MXI1: variants seen among roughly 807,000 people sequenced by gnomAD.
MXI1 encodes max-interacting protein 1.
Under a neutral mutation model 36.9 loss-of-function variants are expected in MXI1, and 18 were observed. That is an observed-to-expected ratio of 0.49 (90% CI 0.34 to 0.72). MXI1 has a LOEUF of 0.72. Among genes scored for constraint, MXI1 ranks in the 30% least tolerant of loss-of-function variants. The pLI, the probability that MXI1 is intolerant of heterozygous loss-of-function variation, is 0.01. For synonymous variants in MXI1, 160 were observed against 146.7 expected, an observed-to-expected ratio of 1.09 and a Z score of -0.65; for missense variants, 304 against 379.1, an observed-to-expected ratio of 0.80 and a Z score of 1.64.
chr10:110,216,395 C>T (rs1364680065), intron 1 of MXI1, among the ~76,000 whole-genome samples: 1 of 152,104 alleles, frequency 6.6e-6, no homozygotes, highest in African/African-American at 2.4e-5. Flanking sequence ...TGTGCTAGGT[C>T]TTGGAGGTAG....
chr10:110,283,199 G>A (rs1382731211), intron 5 of MXI1, among the ~76,000 whole-genome samples: 1 of 151,776 alleles, frequency 6.6e-6, no homozygotes, highest in Non-Finnish European at 1.5e-5. Context: ...GAAGCAACAA[G>A]CCCTTTTGAA....
chr10:110,254,691 T>C (rs776700345), intron 3 of MXI1, among the ~76,000 whole-genome samples: 1 of 152,172 alleles, frequency 6.6e-6, no homozygotes, highest in African/African-American at 2.4e-5. Context: ...ATGGGTGATA[T>C]GGAGAAAGTT....
chr10:110,286,453 C>T lies in MXI1; in HGVS notation c.*1466C>T, dbSNP rs1245830875. The T allele has an allele frequency of 1.4e-5, 2 of 145,996 alleles. No homozygotes were observed. Among genetic ancestry groups the T allele is most frequent in the African/African-American group, 5.1e-5 (2 of 39,160 alleles). The allele number at this position is 145,996 out of a possible 1,614,324, so 9.0% of individuals were successfully genotyped here. A position where few individuals can be genotyped will look rare whatever the true frequency, so the allele number is the denominator to read the frequency against. On this transcript the variant is annotated 3_prime_UTR_variant, in exon 6 of 6. Transcript: ENST00000332674. ...GAGACCTTACCCCTGGCTGTTTGGA[C>T]TTTGTATACTTTAAATAATTTAACT...
intron 3 of MXI1, among the ~76,000 whole-genome samples, chr10:110,261,742 C>T (rs1427849557): frequency 1.3e-5 from 2 of 151,998 alleles, no homozygotes; most frequent in African/African-American, 4.8e-5. Context: ...ATATGGATGC[C>T]TGGTCTGAGC....
Position 110,263,383 on chromosome 10 carries a change from A to G in MXI1, c.438-15797A>G, listed in dbSNP as rs193123045. 5.4e-3 allele frequency among the ~76,000 whole-genome samples: 818 copies of G among 152,290 alleles called. 5 individuals carry two copies. Among genetic ancestry groups the G allele is most frequent in the Non-Finnish European group, 9.6e-3 (650 of 68,000 alleles). ...ATATTCTAGGTAATATGACCCACTTAGGAAATATGTGGTGATTGTGCTTCA... is the reference window on the plus strand; with the variant it reads ...ATATTCTAGGTAATATGACCCACTTGGGAAATATGTGGTGATTGTGCTTCA... On this transcript the variant is annotated intron_variant, in intron 3 of 5. Transcript: ENST00000332674.
rs1387157696 is a variant in MXI1 at position 110,264,541 on chromosome 10, T to G, written c.438-14639T>G. On this transcript the variant is annotated intron_variant, in intron 3 of 5. Transcript: ENST00000332674. ...CCACCACACCCAGCTAATGTTTATATTTTTCATAGAGACGGGGTTTCACCA... is the reference window on the plus strand; with the variant it reads ...CCACCACACCCAGCTAATGTTTATAGTTTTCATAGAGACGGGGTTTCACCA... 2.0e-5 allele frequency among the ~76,000 whole-genome samples: 3 copies of G among 151,976 alleles called. No individual in the cohort carries two copies. The East Asian group carries it at 5.8e-4, about 29-fold the overall frequency.
intron 1 of MXI1, among the ~76,000 whole-genome samples, chr10:110,213,104 A>C (rs1277288766): frequency 6.6e-6 from 1 of 152,218 alleles, no homozygotes; most frequent in Non-Finnish European, 1.5e-5. Context: ...CGAGTCAGAA[A>C]TACTGATCTC....
At chr10:110,227,518 T>C (rs976259727) in intron 1 of MXI1, 35 of 981,546 alleles carry the variant, frequency 3.6e-5, no homozygotes, top group Non-Finnish European at 4.2e-5. Flanking sequence ...GTGGAGAAGC[T>C]TGGAGGGCCC....
intron 3 of MXI1, among the ~76,000 whole-genome samples, chr10:110,248,344 A>T (rs183313547): frequency 1.7e-4 from 25 of 149,696 alleles, no homozygotes; most frequent in Non-Finnish European, 3.4e-4. Context: ...TTAAAGTATA[A>T]AAAAAAAAAT....
intron 2 of MXI1, among the ~76,000 whole-genome samples, chr10:110,239,799 C>T (rs565123038): frequency 5.2e-4 from 79 of 152,068 alleles, no homozygotes; most frequent in African/African-American, 1.9e-3. Context: ...GTAAAATGTA[C>T]ATACAAAAAA....
chr10:110,216,665 G>GTTTTTTTTTTGTTTTTTTTTTTTTTTTT (rs1854645560), intron 1 of MXI1, among the ~76,000 whole-genome samples: 1 of 79,060 alleles, frequency 1.3e-5, no homozygotes, highest in African/African-American at 8.0e-5. Flanking sequence ...TGTGTTTAAT[G>GTTTTTTTTTTGTTTTTTTTTTTTTTTTT]TTTTTTTTTT....
chr10:110,260,032 T>C (rs1856453948), intron 3 of MXI1, among the ~76,000 whole-genome samples: 1 of 151,584 alleles, frequency 6.6e-6, no homozygotes, highest in Non-Finnish European at 1.5e-5. Flanking sequence ...TGTTGTTATT[T>C]TGGGAAAAGC....
At chr10:110,267,074 A>C (rs1856697415) in intron 3 of MXI1, among the ~76,000 whole-genome samples, 1 of 152,236 alleles carries the variant, frequency 6.6e-6, no homozygotes, top group African/African-American at 2.4e-5. Flanking sequence ...AATTAAGATA[A>C]GGGAGAAACT....
At chr10:110,255,117 C>A (rs1214868647) in intron 3 of MXI1, among the ~76,000 whole-genome samples, 1 of 152,138 alleles carries the variant, frequency 6.6e-6, no homozygotes, top group African/African-American at 2.4e-5. Flanking sequence ...GGCTGATGGG[C>A]TGATGTAGCT....
intron 1 of MXI1, chr10:110,208,620 T>A (rs2134317533): frequency 6.6e-6 from 1 of 152,184 alleles, no homozygotes; most frequent in East Asian, 1.9e-4. Flanking sequence ...CTCGGCTCTG[T>A]CTCTCTCTCT....
At chr10:110,259,596 C>T (rs1377114980) in intron 3 of MXI1, among the ~76,000 whole-genome samples, 1 of 152,028 alleles carries the variant, frequency 6.6e-6, no homozygotes, top group East Asian at 1.9e-4. Context: ...GCAATTAAAG[C>T]ATGCCAAGAG....
At chr10:110,241,358 G>C (rs966007057) in intron 2 of MXI1, among the ~76,000 whole-genome samples, 2 of 151,896 alleles carry the variant, frequency 1.3e-5, no homozygotes, top group East Asian at 3.8e-4. Flanking sequence ...GGGTTATTCA[G>C]AACATCTCAG....
chr10:110,237,128 A>G (rs1449516528), intron 2 of MXI1, among the ~76,000 whole-genome samples: 1 of 151,178 alleles, frequency 6.6e-6, no homozygotes, highest in African/African-American at 2.5e-5. Context: ...AGGATTTTCT[A>G]AATAGACAGT....
chr10:110,266,114 CT>C (rs200154048), intron 3 of MXI1, among the ~76,000 whole-genome samples: 459 of 146,844 alleles, frequency 3.1e-3, no homozygotes, highest in African/African-American at 9.6e-3. Flanking sequence ...TCTTTTCTTT[CT>C]TTTTTTTTTT....
Sources: allele counts gnomAD v4.1 joint callset (sites outside exome capture counted in the v4.1 genomes callset), GRCh38; gene constraint gnomAD v4.1.1; transcripts MANE v1.5; gene names NCBI Gene and HGNC (gene_info 2026-07-23, HGNC 2026-07-21).